The following CREB5 variants were observed in gnomAD, a reference collection of about 807,000 sequenced individuals.
The protein encoded by CREB5 is cyclic AMP-responsive element-binding protein 5.
CREB5 carries 19 observed loss-of-function variants against 57.1 expected under a neutral mutation model. The observed-to-expected ratio is 0.33, with a 90% CI of 0.23 to 0.49. CREB5 has a LOEUF of 0.49. CREB5 is among the 20% of genes least tolerant of loss of function. The pLI is 0.99. For synonymous variants in CREB5, 238 were observed against 238.3 expected (o/e 1.00, Z 0.01); for missense variants, 579 against 671.6 (o/e 0.86, Z 1.52).
At chr7:28,718,971 G>A in intron 6 of CREB5, 92 bp downstream of exon 6, 1 of 1,574,748 alleles carries the variant, frequency 6.4e-7, no homozygotes, top group Non-Finnish European at 8.6e-7. Context: ...GATCCAAGCT[G>A]ATGGGAAAGA....
intron 4 of CREB5, among the ~76,000 whole-genome samples, chr7:28,528,768 A>C (rs1384223779): frequency 1.8e-5 from 1 of 56,560 alleles, no homozygotes; most frequent in African/African-American, 5.6e-5. Flanking sequence ...CCAATGTTTT[A>C]GGTTAAAAAA....
chr7:28,596,986 A>C (rs889717622), intron 5 of CREB5, among the ~76,000 whole-genome samples: 5 of 152,208 alleles, frequency 3.3e-5, no homozygotes, highest in African/African-American at 1.2e-4. Context: ...ACTGGGACCA[A>C]GCCCATGATT....
intron 5 of CREB5, among the ~76,000 whole-genome samples, chr7:28,653,261 T>C (rs1799214018): frequency 6.6e-6 from 1 of 152,178 alleles, no homozygotes; most frequent in Admixed American, 6.6e-5. Flanking sequence ...ATATATAAGA[T>C]TGTGCTGTTT....
At chr7:28,389,514 A>C (rs1303157764) in intron 1 of CREB5, among the ~76,000 whole-genome samples, 5 of 152,170 alleles carry the variant, frequency 3.3e-5, no homozygotes, top group African/African-American at 9.7e-5. Context: ...TCTTCAATTT[A>C]ATCTTGTCCT....
At chr7:28,451,953 G>T (rs1404935915) in intron 1 of CREB5, among the ~76,000 whole-genome samples, 1 of 152,180 alleles carries the variant, frequency 6.6e-6, no homozygotes, top group Non-Finnish European at 1.5e-5. Context: ...AACAATGGAA[G>T]TTGCGGGAAG....
intron 5 of CREB5, among the ~76,000 whole-genome samples, chr7:28,629,566 T>C (rs933964871): frequency 9.9e-5 from 15 of 152,162 alleles, no homozygotes; most frequent in African/African-American, 3.6e-4. Flanking sequence ...AACAGTTGTG[T>C]TGCTTTCAGG....
chr7:28,509,822 G>A (rs2128608130), intron 4 of CREB5, among the ~76,000 whole-genome samples: 1 of 152,278 alleles, frequency 6.6e-6, no homozygotes, highest in African/African-American at 2.4e-5. Context: ...TGTGGGTGGG[G>A]AACGGCCAGC....
intron 5 of CREB5, among the ~76,000 whole-genome samples, chr7:28,637,084 G>T (rs937739616): frequency 6.6e-6 from 1 of 152,068 alleles, no homozygotes; most frequent in Admixed American, 6.6e-5. Flanking sequence ...AGCCCAGGAG[G>T]ATGAGGCTGC....
chr7:28,363,380 G>T (rs970652590), intron 1 of CREB5, among the ~76,000 whole-genome samples: 1 of 152,040 alleles, frequency 6.6e-6, no homozygotes, highest in African/African-American at 2.4e-5. Context: ...ACCCTGAATG[G>T]AGTGTGACTG....
At chr7:28,432,001 CT>C (rs1372888499) in intron 1 of CREB5, among the ~76,000 whole-genome samples, 1 of 87,626 alleles carries the variant, frequency 1.1e-5, no homozygotes, top group Admixed American at 1.1e-4. Flanking sequence ...TTTTTTTTTG[CT>C]TTTTTTTGGT....
chr7:28,658,152 G>C (rs913483676), intron 5 of CREB5, among the ~76,000 whole-genome samples: 2 of 152,118 alleles, frequency 1.3e-5, no homozygotes, highest in Admixed American at 6.5e-5. Flanking sequence ...TGCACATCAG[G>C]GATAATTATG....
intron 1 of CREB5, among the ~76,000 whole-genome samples, chr7:28,324,928 G>T: frequency 6.6e-6 from 1 of 152,090 alleles, no homozygotes; most frequent in East Asian, 1.9e-4. Context: ...GAACTATCTT[G>T]ATGTTCTCTT....
At chr7:28,680,484 A>G (rs1800533767) in intron 5 of CREB5, among the ~76,000 whole-genome samples, 1 of 152,172 alleles carries the variant, frequency 6.6e-6, no homozygotes, top group Non-Finnish European at 1.5e-5. Flanking sequence ...TTGGCCGAGC[A>G]CTATGGCTCA....
At chr7:28,769,887 A>G (rs1339686978) in intron 7 of CREB5, among the ~76,000 whole-genome samples, 2 of 152,204 alleles carry the variant, frequency 1.3e-5, no homozygotes, top group Non-Finnish European at 2.9e-5. Flanking sequence ...GGATCACTAG[A>G]GCATTCTTCC....
rs553992364 is a variant in CREB5 at position 28,529,662 on chromosome 7, A to G, written c.291+21925A>G. ...CTTCCCAACCTGATTTCCTTGCTCT[A>G]TGGCCCTCTGAGAGGGAGAGCAAGT... On this transcript the variant is annotated intron_variant, in intron 4 of 10. Coordinates refer to ENST00000357727, the MANE Select transcript of CREB5 (RefSeq NM_182898.4). 3.3e-5 allele frequency among the ~76,000 whole-genome samples: 5 copies of G among 152,284 alleles called. No individual in the cohort carries two copies. The South Asian group carries it at 8.3e-4, about 25-fold the overall frequency.
chr7:28,332,944 TGAGAC>T (rs766413736), intron 1 of CREB5, among the ~76,000 whole-genome samples: 8 of 152,238 alleles, frequency 5.3e-5, no homozygotes, highest in Non-Finnish European at 8.8e-5. Context: ...ACCAATATAA[TGAGAC>T]TATTTTTGCT....
chr7:28,407,037 T>C lies in CREB5; in HGVS notation c.-24-87869T>C, dbSNP rs560815149. On this transcript the variant is annotated intron_variant, in intron 1 of 9. Transcript: ENST00000396299. Reference sequence around the variant, plus strand: ...ACTTGCCCTGTGCCAAACACAATTCTTTTTTTTCTTTTTTCCTTTTATTTT... The same window carrying C: ...ACTTGCCCTGTGCCAAACACAATTCCTTTTTTTCTTTTTTCCTTTTATTTT... 4.0e-4 allele frequency among the ~76,000 whole-genome samples: 56 copies of C among 141,196 alleles called. No individual in the cohort carries two copies. In the South Asian group the frequency reaches 0.012, roughly 30 times the overall value. The allele number at this position is 141,196 out of a possible 152,430, so 92.6% of individuals were successfully genotyped here. A position where few individuals can be genotyped will look rare whatever the true frequency, so the allele number is the denominator to read the frequency against.
intron 1 of CREB5, among the ~76,000 whole-genome samples, chr7:28,376,110 A>G (rs1786817492): frequency 1.3e-5 from 2 of 152,046 alleles, no homozygotes; most frequent in South Asian, 4.1e-4. Context: ...TTGTTTATTC[A>G]ATTTTGGTCA....
chr7:28,524,227 A>T (rs533323729), intron 4 of CREB5, among the ~76,000 whole-genome samples: 1 of 152,134 alleles, frequency 6.6e-6, no homozygotes, highest in African/African-American at 2.4e-5. Flanking sequence ...CTGTGAGCTC[A>T]GCATTTCGGG....
Sources: gnomAD v4.1 joint callset for allele counts (sites outside exome capture counted in the v4.1 genomes callset) on GRCh38, gnomAD v4.1.1 for gene constraint, MANE v1.5 for transcripts, NCBI Gene and HGNC (gene_info 2026-07-23, HGNC 2026-07-21) for gene names.